Variants in LAMA2 observed in about 807,000 individuals in gnomAD.
LAMA2 encodes laminin subunit alpha 2, also known as laminin subunit alpha-2.
Under a neutral mutation model 364.8 loss-of-function variants are expected in LAMA2, and 269 were observed. The observed-to-expected ratio is 0.74, with a 90% CI of 0.67 to 0.82. The LOEUF (loss-of-function observed/expected upper bound fraction) is 0.82. Ranked by LOEUF, LAMA2 falls within the 40% of genes least tolerant of loss-of-function variation. The pLI is 0.00. For synonymous variants in LAMA2, 1,379 were observed against 1,370.6 expected (o/e 1.01, Z -0.14); for missense variants, 3,807 against 3,873.2 (o/e 0.98, Z 0.45).
intron 21 of LAMA2, among the ~76,000 whole-genome samples, chr6:129,298,151 C>T (rs554136067): frequency 2.0e-5 from 3 of 152,052 alleles, no homozygotes; most frequent in South Asian, 2.1e-4. Flanking sequence ...AACACTGCTA[C>T]GGCTTGAAAG....
intron 14 of LAMA2, among the ~76,000 whole-genome samples, chr6:129,258,403 T>C (rs9492285): frequency 0.16 from 24,397 of 151,994 alleles, 2,128 homozygotes; most frequent in South Asian, 0.24. Flanking sequence ...GCAGTGAACA[T>C]TAGTCATTAA....
intron 1 of LAMA2, among the ~76,000 whole-genome samples, chr6:128,924,213 C>T (rs748214788): frequency 1.9e-4 from 29 of 150,534 alleles, no homozygotes; most frequent in South Asian, 1.0e-3. Flanking sequence ...TATATATATA[C>T]ACACACACAC....
intron 1 of LAMA2, among the ~76,000 whole-genome samples, chr6:129,007,023 C>A (rs1784485945): frequency 6.6e-6 from 1 of 152,086 alleles, no homozygotes; most frequent in East Asian, 1.9e-4. Flanking sequence ...TTTGTGCTCA[C>A]AAAGGTCTTT....
At position 129,393,103 on chromosome 6, in the gene LAMA2, A is replaced by G. The variant is rs768131220; in HGVS notation, c.5293A>G (p.Asn1765Asp). The G allele has an allele frequency of 6.2e-7, 1 of 1,614,082 alleles. No individual in the cohort carries two copies. Among genetic ancestry groups the G allele is most frequent in the Non-Finnish European group, 8.5e-7 (1 of 1,179,964 alleles). ...KKLFGESRGE[N>D]EEMEKDLREK... ...GCTGTTTGGAGAGTCCCGGGGGGAA[A>G]ATGAAGAAATGGAGAAGGATCTCCG... Residue 1765 changes from asparagine to aspartate, a missense_variant, in exon 37 of 65, where the codon AAT becomes GAT. Physicochemically the swap from Asn to Asp is conservative, Grantham distance 23 (BLOSUM62 1). Around this residue, in one of 3 missense-constraint regions of LAMA2, gnomAD observed 3,333 missense variants for 3,345.7 expected, o/e 1.00. Transcript: ENST00000421865.
chr6:128,899,385 T>C (rs573095660), intron 1 of LAMA2, among the ~76,000 whole-genome samples: 1 of 152,356 alleles, frequency 6.6e-6, no homozygotes, highest in Non-Finnish European at 1.5e-5. Flanking sequence ...TAGAAGGGTA[T>C]TTAATCAACT....
chr6:129,314,684 A>G lies in LAMA2; in HGVS notation c.3441A>G (p.Arg1147=), dbSNP rs762465367. ...ATGTGGAAGGCATCCACTGTGACAG[A>G]TGCCGGCCTGGCAAATTCGGACTCG... ...KVNVEGIHCD[R]CRPGKFGLDA... Residue 1147 remains arginine, a synonymous_variant, in exon 24 of 65, where the codon AGA becomes AGG. Transcript: ENST00000421865. The G allele has an allele frequency of 6.2e-7, 1 of 1,613,636 alleles. No individual in the cohort carries two copies. Among genetic ancestry groups the G allele is most frequent in the African/African-American group, 1.3e-5 (1 of 74,924 alleles).
chr6:128,905,645 T>A (rs1324924101), intron 1 of LAMA2: 1 of 152,012 alleles, frequency 6.6e-6, no homozygotes, highest in African/African-American at 2.4e-5. Flanking sequence ...TTTTCTTTTA[T>A]TATTATACTT....
intron 35 of LAMA2, among the ~76,000 whole-genome samples, chr6:129,386,903 C>T (rs1779047302): frequency 6.6e-6 from 1 of 152,040 alleles, no homozygotes; most frequent in African/African-American, 2.4e-5. Flanking sequence ...ACATGGGTTG[C>T]AACAAAAAGC....
chr6:129,148,836 A>G, intron 6 of LAMA2, 143 bp from the exon 7 acceptor site: 1 of 758,030 alleles, frequency 1.3e-6, no homozygotes, highest in Non-Finnish European at 2.4e-6. Context: ...GCCTGGCACC[A>G]CTTTCTTCCC....
chr6:129,226,121 T>C (rs985313133), intron 12 of LAMA2, among the ~76,000 whole-genome samples: 11 of 152,342 alleles, frequency 7.2e-5, no homozygotes, highest in Middle Eastern at 3.4e-3. Flanking sequence ...TCTTTGTTGG[T>C]TTAATGTCTG....
intron 12 of LAMA2, among the ~76,000 whole-genome samples, chr6:129,243,573 C>G (rs1306612181): frequency 6.6e-6 from 1 of 151,904 alleles, no homozygotes; most frequent in African/African-American, 2.4e-5. Context: ...GTTAGTTACA[C>G]TTGAGGCAGT....
At chr6:128,896,333 T>C (rs1270690770) in intron 1 of LAMA2, among the ~76,000 whole-genome samples, 1 of 152,068 alleles carries the variant, frequency 6.6e-6, no homozygotes, top group African/African-American at 2.4e-5. Context: ...AGGTGTTCAA[T>C]GTTAGACAAA....
chr6:129,035,747 C>A (rs963553879), intron 1 of LAMA2, among the ~76,000 whole-genome samples: 2 of 151,874 alleles, frequency 1.3e-5, no homozygotes, highest in Non-Finnish European at 2.9e-5. Flanking sequence ...TGTCCTTTCC[C>A]CATTGCTTAT....
intron 40 of LAMA2, among the ~76,000 whole-genome samples, chr6:129,416,731 G>A (rs561249888): frequency 3.0e-4 from 46 of 151,828 alleles, no homozygotes; most frequent in Non-Finnish European, 5.4e-4. Context: ...CACTCAGCCT[G>A]GCAGGCTACA....
chr6:129,482,388 T>C lies in LAMA2; in HGVS notation c.7749+949T>C, dbSNP rs1197842986. Among the ~76,000 whole-genome samples, 6 of 152,290 alleles carry C rather than the reference T, an allele frequency of 3.9e-5. No homozygotes were observed. In the East Asian group the frequency reaches 1.2e-3, roughly 29 times the overall value. On this transcript the variant is annotated intron_variant, in intron 55 of 64. Transcript: ENST00000421865. The stretch of plus-strand genomic sequence containing the variant: ...ACTGCCCAGATTTAAGCATCATACC[T>C]CTTATTGCCTTGGTATTCTTTAATA...
At position 129,315,527 on chromosome 6, in the gene LAMA2, C is replaced by T; in HGVS notation, c.3607C>T (p.Gln1203Ter). The change falls in exon 25 of 65, where the codon CAG (glutamine) becomes TAG (stop). Residue 1203 changes from glutamine (Q) to a stop codon, truncating the protein, a stop_gained. Transcript: ENST00000421865. LOFTEE classifies it high-confidence loss of function. The stretch of plus-strand genomic sequence containing the variant: ...TCTACCCCTGGTAGATGAGGCTCTG[C>T]AGCACACGACCACCAAGGGCATTGT... Reference protein sequence around the residue: ...TILPLVDEALQHTTTKGIVFQ... With the variant: ...TILPLVDEAL 6.2e-7 allele frequency: 1 copy of T among 1,614,138 alleles called. No homozygotes were observed. The highest frequency in any genetic ancestry group is 8.5e-7 in the Non-Finnish European group (1 of 1,179,994).
At chr6:129,449,799 C>CTTT (rs567411928) in intron 45 of LAMA2, among the ~76,000 whole-genome samples, 55 of 123,168 alleles carry the variant, frequency 4.5e-4, no homozygotes, top group African/African-American at 6.8e-4. Context: ...GTCTGCTACA[C>CTTT]TTTTTTTTTT....
intron 58 of LAMA2, among the ~76,000 whole-genome samples, chr6:129,500,712 C>A (rs1406094695): frequency 6.6e-6 from 1 of 152,060 alleles, no homozygotes; most frequent in East Asian, 1.9e-4. Flanking sequence ...TAAAAACAAA[C>A]CAAAAAACTG....
chr6:128,883,795 T>TACACACACACACACACAC (rs1189690006), intron 1 of LAMA2, among the ~76,000 whole-genome samples: 1 of 132,928 alleles, frequency 7.5e-6, no homozygotes, highest in African/African-American at 3.3e-5. Flanking sequence ...ATTATATATA[T>TACACACACACACACACAC]ATATATACAC....
Sources: gnomAD v4.1 joint callset for allele counts (sites outside exome capture counted in the v4.1 genomes callset) on GRCh38, gnomAD v4.1.1 for gene constraint, gnomAD v4.1.1 regional missense constraint, MANE v1.5 for transcripts, NCBI Gene and HGNC (gene_info 2026-07-23, HGNC 2026-07-21) for gene names.